The following IL16 variants were observed in gnomAD, a reference collection of about 807,000 sequenced individuals.
IL16 encodes the protein pro-interleukin-16.
Under a neutral mutation model 110.1 loss-of-function variants are expected in IL16, and 67 were observed. The ratio of observed to expected loss-of-function variants is 0.61; its 90% CI spans 0.50 to 0.75. The LOEUF (loss-of-function observed/expected upper bound fraction) is 0.75. Among genes scored for constraint, IL16 ranks in the 30% least tolerant of loss-of-function variants. IL16 has a pLI of 0.00. For synonymous variants in IL16, 689 were observed against 662.9 expected, an observed-to-expected ratio of 1.04 and a Z score of -0.61; for missense variants, 1,545 against 1,655.0, an observed-to-expected ratio of 0.93 and a Z score of 1.15.
upstream of IL16, among the ~76,000 whole-genome samples, chr15:81,195,038 C>T (rs1895561569): frequency 6.6e-6 from 1 of 152,056 alleles, no homozygotes; most frequent in South Asian, 2.1e-4. Context: ...GCAGGATGTC[C>T]TGAAGGGCAG....
chr15:81,240,614 G>C (rs1897308652), intron 2 of IL16, among the ~76,000 whole-genome samples: 1 of 151,994 alleles, frequency 6.6e-6, no homozygotes, highest in South Asian at 2.1e-4. Context: ...TAATAACGTT[G>C]TACGTATATA....
chr15:81,295,320 A>T, intron 12 of IL16: 1 of 1,110,818 alleles, frequency 9.0e-7, no homozygotes, highest in Middle Eastern at 2.5e-4. Flanking sequence ...TGTAAAATCA[A>T]ATTTATTTCA....
In IL16 at chr15:81,262,487, ATT is replaced by A. The variant is rs11295320; in HGVS notation, c.421+2616_421+2617del. Among the ~76,000 whole-genome samples, 738 of 150,926 alleles carry A rather than the reference ATT, an allele frequency of 4.9e-3. 6 individuals carry two copies. Among genetic ancestry groups the A allele is most frequent in the Non-Finnish European group, 8.3e-3 (563 of 67,654 alleles). On this transcript the variant is annotated intron_variant, in intron 3 of 18. Transcript: ENST00000683961. ...TGATATGATGTAAGAATCTAGGTAG[ATT>A]TTTTTTTTCTAAATGAATAGAGAAT...
intron 6 of IL16, among the ~76,000 whole-genome samples, chr15:81,273,923 C>T (rs952668443): frequency 1.5e-4 from 23 of 151,774 alleles, no homozygotes; most frequent in African/African-American, 5.3e-4. Context: ...AGTCAGGGTT[C>T]CCCCCACCCC....
intron 4 of IL16, among the ~76,000 whole-genome samples, chr15:81,268,763 C>T (rs1898503544): frequency 6.6e-6 from 1 of 152,272 alleles, no homozygotes; most frequent in African/African-American, 2.4e-5. Context: ...TTCTAAGGCA[C>T]TTGCTATGTG....
chr15:81,237,858 A>G (rs1897223678), intron 2 of IL16, among the ~76,000 whole-genome samples: 1 of 151,670 alleles, frequency 6.6e-6, no homozygotes, highest in Non-Finnish European at 1.5e-5. Context: ...AGAAATTTTT[A>G]TTCACTCTAC....
At position 81,221,208 on chromosome 15, in the gene IL16, G is replaced by A. The variant is rs535325196; in HGVS notation, c.-101-4091G>A. Among the ~76,000 whole-genome samples, 167 of 152,078 alleles carry A rather than the reference G, an allele frequency of 1.1e-3. 2 individuals are homozygous for A. Among genetic ancestry groups the A allele is most frequent in the African/African-American group, 3.7e-3 (152 of 41,474 alleles). On this transcript the variant is annotated intron_variant, in intron 1 of 18. Coordinates refer to ENST00000683961, the MANE Select transcript of IL16 (RefSeq NM_172217.5). ...TTTCTAGGGAGCTGCAGAACTTCTC[G>A]GTTTTTCTGCTTGGAAGTAAAACAA...
chr15:81,279,755 G>A lies in IL16; in HGVS notation c.1062G>A (p.Val354=), dbSNP rs1292235939. The stretch of plus-strand genomic sequence containing the variant: ...CCAAGCCCAATTACAGAATCATGGT[G>A]GAGGTTTCTCTGCAGAAAGGTAGGA... ...STAKPNYRIM[V]EVSLQKEAGV... The change falls in exon 8 of 19, where the codon GTG becomes GTA. Residue 354 remains valine (V), a synonymous_variant. Transcript: ENST00000683961. The A allele has an allele frequency of 2.5e-6, 4 of 1,614,212 alleles. No homozygotes were observed. The highest frequency in any genetic ancestry group is 3.4e-6 in the Non-Finnish European group (4 of 1,180,018).
intron 2 of IL16, among the ~76,000 whole-genome samples, chr15:81,232,611 A>T (rs1430141002): frequency 6.6e-6 from 1 of 152,184 alleles, no homozygotes; most frequent in African/African-American, 2.4e-5. Flanking sequence ...ATTTATTGAG[A>T]TGCTCGTATG....
chr15:81,303,324 T>G lies in IL16; in HGVS notation c.3319-225T>G. On this transcript the variant is annotated intron_variant, in intron 15 of 18. Transcript: ENST00000683961. The surrounding 1 kb of genome is among the most constrained non-coding windows in gnomAD (Gnocchi z 4.1). ...CAGGGTGAATGAGAGAGGAAAATAA[T>G]TATGCTTGCTGCTTTACATACATTT... is the stretch of plus-strand genomic sequence containing the variant. The G allele has an allele frequency of 1.9e-6, 1 of 518,916 alleles. No individual in the cohort carries two copies. The allele number at this position is 518,916 out of a possible 1,614,324, so 32.1% of individuals were successfully genotyped here.
Position 81,306,013 on chromosome 15 carries a change from C to G in IL16, c.3526C>G (p.His1176Asp). 2.5e-6 allele frequency: 4 copies of G among 1,614,226 alleles called. No homozygotes were observed. Among genetic ancestry groups the G allele is most frequent in the Admixed American group, 1.7e-5 (1 of 60,028 alleles). Residue 1176 changes from histidine (H) to aspartate (D), a missense_variant, in exon 17 of 19, where the codon CAT becomes GAT. Coordinates refer to ENST00000683961, the MANE Select transcript of IL16 (RefSeq NM_172217.5). Reference sequence around the variant, plus strand: ...CAAGTCTCTCAAGGGGACCACGCACCATGATGCCTTGGCCATCCTCCGCCA... The same window carrying G: ...CAAGTCTCTCAAGGGGACCACGCACGATGATGCCTTGGCCATCCTCCGCCA... Reference protein sequence around the residue: ...NGKSLKGTTHHDALAILRQAR... With the variant: ...NGKSLKGTTHDDALAILRQAR...
chr15:81,185,605 A>G (rs139027941), intron 1 of IL16, among the ~76,000 whole-genome samples: 1 of 152,246 alleles, frequency 6.6e-6, no homozygotes, highest in East Asian at 1.9e-4. Context: ...TTTATTTTCA[A>G]CAAATTATTT....
At chr15:81,184,714 G>A (rs1443205654) in intron 1 of IL16, among the ~76,000 whole-genome samples, 1 of 152,234 alleles carries the variant, frequency 6.6e-6, no homozygotes, top group Non-Finnish European at 1.5e-5. Context: ...GCTGTTAGAA[G>A]ATTGGGCATT....
intron 1 of IL16, among the ~76,000 whole-genome samples, chr15:81,207,255 A>C (rs556272333): frequency 3.3e-4 from 50 of 151,828 alleles, no homozygotes; most frequent in Middle Eastern, 3.4e-3. Flanking sequence ...ACAAAAAAAA[A>C]AAAAAACAAA....
chr15:81,197,479 T>C (rs939690867), intron 1 of IL16, among the ~76,000 whole-genome samples: 1 of 151,958 alleles, frequency 6.6e-6, no homozygotes, highest in African/African-American at 2.4e-5. Flanking sequence ...TCCTTGGCAA[T>C]GGGGTGTGGA....
At chr15:81,298,537 A>G (rs1032023193) in intron 13 of IL16, among the ~76,000 whole-genome samples, 1 of 152,156 alleles carries the variant, frequency 6.6e-6, no homozygotes, top group African/African-American at 2.4e-5. Context: ...TGCTCATCAC[A>G]TTCCCAACAC....
chr15:81,276,546 A>G (rs1898918236), intron 6 of IL16, among the ~76,000 whole-genome samples: 1 of 152,348 alleles, frequency 6.6e-6, no homozygotes, highest in African/African-American at 2.4e-5. Context: ...AGTAAAGCCA[A>G]CAGGCCCCAG....
chr15:81,281,846 A>G (rs1233690920), intron 8 of IL16, among the ~76,000 whole-genome samples: 2 of 152,250 alleles, frequency 1.3e-5, no homozygotes, highest in Non-Finnish European at 2.9e-5. Flanking sequence ...TCTTCACTGG[A>G]GGTGAAGTCC....
chr15:81,230,345 A>G (rs1487563635), intron 2 of IL16, among the ~76,000 whole-genome samples: 1 of 152,196 alleles, frequency 6.6e-6, no homozygotes, highest in African/African-American at 2.4e-5. Flanking sequence ...TTAAGGCCAA[A>G]TGGAAGGCAG....
Sources: gnomAD v4.1 joint callset for allele counts (sites outside exome capture counted in the v4.1 genomes callset) on GRCh38, gnomAD v4.1.1 for gene constraint, Gnocchi (gnomAD v3.1) non-coding constraint, MANE v1.5 for transcripts, NCBI Gene and HGNC (gene_info 2026-07-23, HGNC 2026-07-21) for gene names.